The following SRCAP variants were observed in gnomAD, a reference collection of about 807,000 sequenced individuals.
The protein encoded by SRCAP is chromatin remodeling protein SRCAP.
In SRCAP, 46 loss-of-function variants were observed where a neutral mutation model predicts 263.1. The ratio of observed to expected loss-of-function variants is 0.17; its 90% confidence interval spans 0.14 to 0.22. The LOEUF is 0.22. SRCAP is among the 10% of genes least tolerant of loss of function. SRCAP has a pLI of 1.00. For synonymous variants in SRCAP, 1,813 were observed against 1,662.1 expected (o/e 1.09, Z -2.21); for missense variants, 3,695 against 4,181.9 (o/e 0.88, Z 3.21).
Position 30,739,772 on chromosome 16 carries a change from C to T in SRCAP, c.*39C>T. ...CCACCTAGGCTTTCCACCGTGGCCA[C>T]TCCCTCCATGACCAGGCCTGACTCT... is the stretch of plus-strand genomic sequence containing the variant. On this transcript the variant is annotated 3_prime_UTR_variant, in exon 34 of 34. Coordinates refer to ENST00000262518, the MANE Select transcript of SRCAP (RefSeq NM_006662.3). 1 of 1,451,326 alleles carries T rather than the reference C, an allele frequency of 6.9e-7. No homozygotes were observed. Among genetic ancestry groups the T allele is most frequent in the Non-Finnish European group, 9.1e-7 (1 of 1,100,110 alleles). The allele number at this position is 1,451,326 out of a possible 1,614,324, so 89.9% of individuals were successfully genotyped here. A position where few individuals can be genotyped will look rare whatever the true frequency, so the allele number is the denominator to read the frequency against.
At chr16:30,704,964 C>T (rs767601781) in intron 4 of SRCAP, among the ~76,000 whole-genome samples, 2 of 152,162 alleles carry the variant, frequency 1.3e-5, no homozygotes, top group African/African-American at 4.8e-5. Context: ...TAAGTGTGGT[C>T]TCTGGGCCAG....
intron 4 of SRCAP, among the ~76,000 whole-genome samples, 164 bp downstream of exon 4, chr16:30,704,479 C>A (rs1372667684): frequency 6.6e-6 from 1 of 152,112 alleles, no homozygotes; most frequent in African/African-American, 2.4e-5. Flanking sequence ...TATTGAGTCT[C>A]ATTTTCCTTG....
chr16:30,712,351 G>A lies in SRCAP; in HGVS notation c.1905G>A (p.Lys635=), dbSNP rs886051900. ...GLDWLVTMYE[K]KLNGILADEM... Reference sequence around the variant, plus strand: ...ACTGGCTGGTTACCATGTATGAGAAGAAGCTTAATGGCATTCTTGCTGATG... The same window carrying A: ...ACTGGCTGGTTACCATGTATGAGAAAAAGCTTAATGGCATTCTTGCTGATG... The change falls in exon 13 of 34, where the codon AAG becomes AAA. Residue 635 remains lysine (K), a synonymous_variant. Coordinates refer to ENST00000262518, the MANE Select transcript of SRCAP (RefSeq NM_006662.3). 3.9e-5 allele frequency: 63 copies of A among 1,613,502 alleles called. No individual in the cohort carries two copies. Among genetic ancestry groups the A allele is most frequent in the Non-Finnish European group, 5.2e-5 (61 of 1,179,748 alleles).
In SRCAP at chr16:30,739,319, C is replaced by T; in HGVS notation, c.9279C>T (p.Asp3093=). The T allele has an allele frequency of 6.2e-7, 1 of 1,614,192 alleles. No homozygotes were observed. Among genetic ancestry groups the T allele is most frequent in the Non-Finnish European group, 8.5e-7 (1 of 1,180,024 alleles). ...TGGTGGTGGCTGTAATTCAGGATGA[C>T]CTGGACTTAGCAGATAGCGGGCCAG... ...GSMVVAVIQD[D]LDLADSGPGG... Residue 3093 remains aspartate (D), a synonymous_variant, in exon 34 of 34, where the codon GAC becomes GAT. Transcript: ENST00000262518.
rs2053090261 is a variant in SRCAP at position 30,729,170 on chromosome 16, G to A, written c.5863G>A (p.Ala1955Thr). The A allele has an allele frequency of 6.2e-7, 1 of 1,614,018 alleles. No individual in the cohort carries two copies. The highest frequency in any genetic ancestry group is 1.3e-5 in the African/African-American group (1 of 74,916). The change falls in exon 26 of 34, where the codon GCC (alanine) becomes ACC (threonine). Residue 1955 changes from alanine to threonine, a missense_variant. Physicochemically the swap from Ala to Thr is moderately conservative, Grantham distance 58. Coordinates refer to ENST00000262518, the MANE Select transcript of SRCAP (RefSeq NM_006662.3). ...CACCTTTTGGACTTATACCGAGGCT[G>A]CCCACCGGGCTGTACTGTTTCCCCA... ...HPTFWTYTEAAHRAVLFPQQR... is the reference protein window; with the variant it reads ...HPTFWTYTEATHRAVLFPQQR...
At position 30,737,513 on chromosome 16, in the gene SRCAP, T is replaced by G; in HGVS notation, c.7473T>G (p.Ile2491Met). ...ILPSPPPPSQ[I>M]PPCSSPACTP... ...CTTCTCCTCCCCCTCCTTCACAGAT[T>G]CCTCCTTGTTCTTCTCCTGCCTGCA... The change falls in exon 34 of 34, where the codon ATT becomes ATG. Residue 2491 changes from isoleucine to methionine, a missense_variant. Ile to Met is a conservative substitution (Grantham distance 10). Around this residue, in one of 12 missense-constraint regions of SRCAP, gnomAD observed 1,207 missense variants for 1,142.9 expected, o/e 1.06. Coordinates refer to ENST00000262518, the MANE Select transcript of SRCAP (RefSeq NM_006662.3). The G allele has an allele frequency of 6.2e-7, 1 of 1,602,248 alleles. No individual in the cohort carries two copies. Among genetic ancestry groups the G allele is most frequent in the South Asian group, 1.1e-5 (1 of 90,738 alleles).
At chr16:30,734,302 C>CA (rs2053139023) in intron 30 of SRCAP, 194 bp from the exon 31 acceptor site, 1 of 751,788 alleles carries the variant, frequency 1.3e-6, no homozygotes, top group Admixed American at 3.0e-5. Flanking sequence ...GAGATGGCGC[C>CA]ATTGCACTTT....
intron 19 of SRCAP, 128 bp downstream of exon 19, chr16:30,720,459 G>A (rs1242875097): frequency 6.8e-6 from 8 of 1,180,014 alleles, no homozygotes; most frequent in Admixed American, 4.7e-5. Flanking sequence ...GGGTGCAAAC[G>A]TGGAGGGAAT....
intron 18 of SRCAP, among the ~76,000 whole-genome samples, chr16:30,719,036 TG>T (rs1156638293): frequency 6.6e-6 from 1 of 151,660 alleles, no homozygotes; most frequent in Admixed American, 6.6e-5. Context: ...CCTGAGCAGC[TG>T]GGACTACAGG....
Position 30,710,981 on chromosome 16 carries a change from C to T in SRCAP, c.1229-18C>T, listed in dbSNP as rs761154109. 1.9e-6 allele frequency: 3 copies of T among 1,610,984 alleles called. No homozygotes were observed. Among genetic ancestry groups the T allele is most frequent in the Admixed American group, 1.7e-5 (1 of 60,014 alleles). On this transcript the variant is annotated intron_variant, in intron 9 of 33. Transcript: ENST00000262518. ...CTAGCCTCTATCCCTATTAATCTTG[C>T]TTCTGTCTCTTTCCTAGCGGAGGAT...
rs750104969 is a variant in SRCAP at position 30,734,527 on chromosome 16, T to C, written c.6641T>C (p.Leu2214Pro). The change falls in exon 31 of 34, where the codon CTG becomes CCG. Residue 2214 changes from leucine (L) to proline (P), a missense_variant. Around this residue, in one of 12 missense-constraint regions of SRCAP, gnomAD observed 53 missense variants for 45.6 expected, o/e 1.16. Coordinates refer to ENST00000262518, the MANE Select transcript of SRCAP (RefSeq NM_006662.3). ...ATCCGAGAGCTGTTTGATATGCCCC[T>C]GGAGGAACCTTCTAGCTCATCCGTG... The part of the protein sequence containing the change: ...QTIRELFDMP[L>P]EEPSSSSVPS... 1.9e-6 allele frequency: 3 copies of C among 1,613,852 alleles called. No homozygotes were observed. The highest frequency in any genetic ancestry group is 1.6e-4 in the Middle Eastern group (1 of 6,062).
In SRCAP at chr16:30,721,490, G is replaced by A. The variant is rs965152595; in HGVS notation, c.3541+14G>A. ...CTCGCCTGCCCTGTAAGTTCCCAGGGCTCTGTGGTGAGGGACTTGAGATGG... is the reference window on the plus strand; with the variant it reads ...CTCGCCTGCCCTGTAAGTTCCCAGGACTCTGTGGTGAGGGACTTGAGATGG... On this transcript the variant is annotated intron_variant, in intron 21 of 33. Coordinates refer to ENST00000262518, the MANE Select transcript of SRCAP (RefSeq NM_006662.3). 1 of 1,604,698 alleles carries A rather than the reference G, an allele frequency of 6.2e-7. No individual in the cohort carries two copies. Among genetic ancestry groups the A allele is most frequent in the Admixed American group, 1.7e-5 (1 of 59,968 alleles).
rs747599108 is a variant in SRCAP at position 30,717,913 on chromosome 16, A to AT, written c.2817+1451dup. On this transcript the variant is annotated intron_variant, in intron 18 of 33. Coordinates refer to ENST00000262518, the MANE Select transcript of SRCAP (RefSeq NM_006662.3). ...TGAGCCACTGCACCCGGCCCTGCTG[A>AT]TTTTTTTTTTTTTTTTTAGTTTTCT... is the stretch of plus-strand genomic sequence containing the variant. Among the ~76,000 whole-genome samples the AT allele has an allele frequency of 3.4e-3, 414 of 121,006 alleles. 1 individual carries two copies. Among genetic ancestry groups the AT allele is most frequent in the South Asian group, 7.0e-3 (27 of 3,856 alleles). 79.4% of individuals were successfully genotyped at this position (121,006 alleles called of 152,430 possible).
intron 16 of SRCAP, among the ~76,000 whole-genome samples, chr16:30,714,914 G>T (rs1237288173): frequency 2.7e-4 from 41 of 152,014 alleles, no homozygotes. Flanking sequence ...ACTTCATATT[G>T]TTGGTGTTTT....
chr16:30,709,907 G>T lies in SRCAP; in HGVS notation c.913G>T (p.Val305Phe). 1 of 1,614,220 alleles carries T rather than the reference G, an allele frequency of 6.2e-7. No individual in the cohort carries two copies. The highest frequency in any genetic ancestry group is 8.5e-7 in the Non-Finnish European group (1 of 1,180,038). The change falls in exon 8 of 34, where the codon GTT (valine) becomes TTT (phenylalanine). Residue 305 changes from valine (V) to phenylalanine (F), a missense_variant. Val to Phe is a conservative substitution (Grantham distance 50). Coordinates refer to ENST00000262518, the MANE Select transcript of SRCAP (RefSeq NM_006662.3). Reference sequence around the variant, plus strand: ...AGAGGATGATGAGGAAACGATTGAAGTTGAAGAACAACAGGAAGGCAATGA... The same window carrying T: ...AGAGGATGATGAGGAAACGATTGAATTTGAAGAACAACAGGAAGGCAATGA... ...EEEDDEETIE[V>F]EEQQEGNDAE...
intron 3 of SRCAP, among the ~76,000 whole-genome samples, chr16:30,702,905 A>G (rs1366464081): frequency 1.3e-5 from 2 of 151,794 alleles, no homozygotes; most frequent in African/African-American, 2.4e-5. Flanking sequence ...ATGCTTTTGC[A>G]GTACCTTGTA....
chr16:30,701,157 C>T lies in SRCAP; in HGVS notation c.54+279C>T, dbSNP rs186687661. Among the ~76,000 whole-genome samples the T allele has an allele frequency of 5.3e-4, 80 of 152,218 alleles. 1 individual carries two copies. Among genetic ancestry groups the T allele is most frequent in the Admixed American group, 1.6e-3 (25 of 15,276 alleles). Reference sequence around the variant, plus strand: ...GTGGCACCATGCTTCTAATACCATACGCTTTAAGAATAGTTTAACTTCTAT... The same window carrying T: ...GTGGCACCATGCTTCTAATACCATATGCTTTAAGAATAGTTTAACTTCTAT... On this transcript the variant is annotated intron_variant, in intron 3 of 33. Coordinates refer to ENST00000262518, the MANE Select transcript of SRCAP (RefSeq NM_006662.3).
intron 27 of SRCAP, 134 bp downstream of exon 27, chr16:30,729,706 CT>C: frequency 1.0e-6 from 1 of 990,296 alleles, no homozygotes; most frequent in Non-Finnish European, 1.5e-6. Context: ...TTAGGTTATG[CT>C]TATGGGCAAG....
intron 24 of SRCAP, 83 bp from the exon 25 acceptor site, chr16:30,723,500 CT>C: frequency 1.3e-6 from 2 of 1,524,318 alleles, no homozygotes; most frequent in South Asian, 2.6e-5. Context: ...AAATGGGAAG[CT>C]TGGGGGTATG....
Sources: gnomAD v4.1 joint callset for allele counts (sites outside exome capture counted in the v4.1 genomes callset) on GRCh38, gnomAD v4.1.1 for gene constraint, gnomAD v4.1.1 regional missense constraint, MANE v1.5 for transcripts, NCBI Gene and HGNC (gene_info 2026-07-23, HGNC 2026-07-21) for gene names.